The following SGCD variants were observed in gnomAD, a reference collection of about 807,000 sequenced individuals.
The protein encoded by SGCD is delta-sarcoglycan.
SGCD carries 18 observed loss-of-function variants against 36.6 expected under a neutral mutation model. The ratio of observed to expected loss-of-function variants is 0.49; its 90% CI spans 0.34 to 0.73. The LOEUF is 0.73. SGCD is among the 30% of genes least tolerant of loss of function. SGCD has a pLI of 0.01. For missense variants in SGCD, 387 were observed against 346.7 expected (o/e 1.12, Z -0.92); for synonymous variants, 133 against 130.6 (o/e 1.02, Z -0.12).
At chr5:156,225,736 C>T (rs1764837729) in intron 3 of SGCD, among the ~76,000 whole-genome samples, 1 of 151,778 alleles carries the variant, frequency 6.6e-6, no homozygotes, top group Non-Finnish European at 1.5e-5. Flanking sequence ...TGAATACTTA[C>T]TGAAGTAGTA....
chr5:156,020,558 C>T (rs1029298449), intron 1 of SGCD, among the ~76,000 whole-genome samples: 1 of 152,080 alleles, frequency 6.6e-6, no homozygotes, highest in East Asian at 1.9e-4. Flanking sequence ...AACACTCTTA[C>T]ACATTTATAT....
intron 7 of SGCD, among the ~76,000 whole-genome samples, chr5:156,694,734 T>C (rs1290598790): frequency 2.6e-5 from 4 of 152,206 alleles, no homozygotes; most frequent in African/African-American, 7.2e-5. Context: ...CACTGCGACA[T>C]AATTGAAGAT....
At chr5:156,585,849 C>T (rs966229378) in intron 4 of SGCD, among the ~76,000 whole-genome samples, 8 of 152,008 alleles carry the variant, frequency 5.3e-5, no homozygotes, top group Admixed American at 1.3e-4. Flanking sequence ...CCTAATACAG[C>T]TTTCAATTAT....
At chr5:155,910,277 T>TA (rs1756603902) in intron 1 of SGCD, among the ~76,000 whole-genome samples, 1 of 152,104 alleles carries the variant, frequency 6.6e-6, no homozygotes, top group Admixed American at 6.6e-5. Context: ...TTTCCTTTAC[T>TA]AAATAAGAAA....
chr5:155,818,117 G>A, the SGCD span, among the ~76,000 whole-genome samples: 12 of 152,166 alleles, frequency 7.9e-5, no homozygotes, highest in Non-Finnish European at 1.5e-4. Flanking sequence ...AGCTTTCAAC[G>A]TAGAAGAGGA....
chr5:156,143,491 G>A (rs75037468), intron 3 of SGCD, among the ~76,000 whole-genome samples: 3,067 of 152,248 alleles, frequency 0.02, 46 homozygotes, highest in Non-Finnish European at 0.034. Flanking sequence ...AGCTTTCACC[G>A]TGTTCCTGGA....
At chr5:155,869,429 A>G (rs1042707487), upstream of SGCD, among the ~76,000 whole-genome samples, 2 of 152,186 alleles carry the variant, frequency 1.3e-5, no homozygotes, top group Non-Finnish European at 2.9e-5. Context: ...TGCAACTTGT[A>G]AAATGATTTT....
the SGCD span, among the ~76,000 whole-genome samples, chr5:155,786,450 A>G: frequency 6.6e-6 from 1 of 152,140 alleles, no homozygotes; most frequent in African/African-American, 2.4e-5. Context: ...TCACAGCCCC[A>G]TTCCTGAAAC....
intron 1 of SGCD, among the ~76,000 whole-genome samples, chr5:155,879,270 A>G (rs1411849120): frequency 6.6e-6 from 1 of 152,164 alleles, no homozygotes; most frequent in Non-Finnish European, 1.5e-5. Context: ...AATTACATAT[A>G]TAAAACAGCA....
At chr5:156,330,544 A>G (rs1768020841) in intron 2 of SGCD, among the ~76,000 whole-genome samples, 1 of 152,108 alleles carries the variant, frequency 6.6e-6, no homozygotes. Flanking sequence ...TGTCTCCCTT[A>G]AGGCTGGGTG....
rs191383191 is a variant in SGCD, at chr5:156,050,672, G to A, written c.-281-67206G>A. Among the ~76,000 whole-genome samples the A allele has an allele frequency of 3.1e-4, 45 of 146,686 alleles. 4 individuals are homozygous for A. The highest frequency in any genetic ancestry group is 1.1e-3 in the African/African-American group (43 of 40,800). Reference sequence around the variant, plus strand: ...AACAACATATATTTATTATCTTGCAGTTCTGGAGGTCAGAAGTCCTAAAAT... The same window carrying A: ...AACAACATATATTTATTATCTTGCAATTCTGGAGGTCAGAAGTCCTAAAAT... On this transcript the variant is annotated intron_variant, in intron 1 of 9. Transcript: ENST00000517913.
intron 6 of SGCD, among the ~76,000 whole-genome samples, chr5:156,613,481 C>T (rs1761906131): frequency 6.6e-6 from 1 of 152,192 alleles, no homozygotes; most frequent in Admixed American, 6.5e-5. Context: ...GTCTCACTGT[C>T]ATATGTATTC....
chr5:155,841,034 A>ACATGGGCT, the SGCD span, among the ~76,000 whole-genome samples: 2 of 133,560 alleles, frequency 1.5e-5, no homozygotes, highest in African/African-American at 2.8e-5. Flanking sequence ...AAAAAAAAAG[A>ACATGGGCT]CTGGGGCACT....
At chr5:156,016,279 G>A (rs1452775826) in intron 1 of SGCD, among the ~76,000 whole-genome samples, 1 of 152,022 alleles carries the variant, frequency 6.6e-6, no homozygotes, top group Non-Finnish European at 1.5e-5. Flanking sequence ...TCAAAGTATT[G>A]TGTTTAAAAG....
At chr5:156,101,328 A>C (rs1490736450) in intron 1 of SGCD, among the ~76,000 whole-genome samples, 1 of 152,218 alleles carries the variant, frequency 6.6e-6, no homozygotes, top group Non-Finnish European at 1.5e-5. Flanking sequence ...TTTAAGGCAC[A>C]CAGATTGAAA....
intron 3 of SGCD, among the ~76,000 whole-genome samples, chr5:156,169,422 C>T (rs546747105): frequency 6.6e-6 from 1 of 152,172 alleles, no homozygotes; most frequent in Non-Finnish European, 1.5e-5. Context: ...CTGCAGATCA[C>T]TGAAACTTGC....
At chr5:156,073,036 A>T (rs897115179) in intron 1 of SGCD, among the ~76,000 whole-genome samples, 2 of 151,754 alleles carry the variant, frequency 1.3e-5, no homozygotes, top group Admixed American at 6.6e-5. Flanking sequence ...ATTCATCTAA[A>T]TTTTTTTCAA....
chr5:155,808,221 A>AT, the SGCD span, among the ~76,000 whole-genome samples: 2 of 152,040 alleles, frequency 1.3e-5, no homozygotes, highest in African/African-American at 2.4e-5. Flanking sequence ...TGATTTATCC[A>AT]TTTTTTTGCT....
chr5:156,449,878 T>G (rs1301107421), intron 3 of SGCD, among the ~76,000 whole-genome samples: 2 of 149,520 alleles, frequency 1.3e-5, no homozygotes, highest in Non-Finnish European at 3.0e-5. Context: ...AAAAAGAAAC[T>G]TTTTCGACTT....
Sources: allele counts gnomAD v4.1 joint callset (sites outside exome capture counted in the v4.1 genomes callset), GRCh38; gene constraint gnomAD v4.1.1; transcripts MANE v1.5; gene names NCBI Gene and HGNC (gene_info 2026-07-23, HGNC 2026-07-21).